The following TTN variants were observed in gnomAD, a reference collection of about 807,000 sequenced individuals.
The protein encoded by TTN is connectin.
In TTN, 1,525 loss-of-function variants were observed where a neutral mutation model predicts 3,223.0. That is an observed-to-expected ratio of 0.47 (90% CI 0.45 to 0.49). The LOEUF is 0.49. Ranked by LOEUF, TTN falls within the 20% of genes least tolerant of loss-of-function variation. TTN has a pLI of 0.00. For missense variants in TTN, 40,786 were observed against 43,424.0 expected, an observed-to-expected ratio of 0.94 and a Z score of 5.40; for synonymous variants, 14,094 against 15,161.0, an observed-to-expected ratio of 0.93 and a Z score of 5.17.
At position 178,534,033 on chromosome 2, in the gene TTN, G is replaced by C. The variant is rs2154135604; in HGVS notation, c.102582C>G (p.Leu34194=). 6.2e-7 allele frequency: 1 copy of C among 1,613,966 alleles called. No homozygotes were observed. Among genetic ancestry groups the C allele is most frequent in the Non-Finnish European group, 8.5e-7 (1 of 1,179,870 alleles). The stretch of plus-strand genomic sequence containing the variant: ...CTAATTTGGTAATGTCTTTGACATA[G>C]AGGATGGCCACTCCATCTTCGTAGG... ...EITYEDGVAI[L]YVKDITKLDD... The change falls in exon 358 of 363, where the codon CTC becomes CTG. Residue 34194 remains leucine, a synonymous_variant. Transcript: ENST00000589042.
In TTN at chr2:178,774,355, A is replaced by C; in HGVS notation, c.6909T>G (p.Asp2303Glu). The change falls in exon 30 of 363, where the codon GAT (aspartate) becomes GAG (glutamate). Residue 2303 changes from aspartate (D) to glutamate (E), a missense_variant. Physicochemically the swap from Asp to Glu is conservative, Grantham distance 45. Coordinates refer to ENST00000589042, the MANE Select transcript of TTN (RefSeq NM_001267550.2). Reference sequence around the variant, plus strand: ...ATTTGCCATTGGATTTAAGCTCCACATCATTATGATACCATTTTCCTTCTA... The same window carrying C: ...ATTTGCCATTGGATTTAAGCTCCACCTCATTATGATACCATTTTCCTTCTA... ...ENIEGKWYHN[D>E]VELKSNGKYT... 6.2e-7 allele frequency: 1 copy of C among 1,614,114 alleles called. No individual in the cohort carries two copies.
At position 178,767,749 on chromosome 2, in the gene TTN, T is replaced by C. The variant is rs1305078965; in HGVS notation, c.9471+10A>G. 10 of 1,613,708 alleles carry C rather than the reference T, an allele frequency of 6.2e-6. No individual in the cohort carries two copies. Among genetic ancestry groups the C allele is most frequent in the Non-Finnish European group, 8.5e-6 (10 of 1,179,980 alleles). ...ATGATTTTTCAAAACATTTAGTATG[T>C]AGACAATACCTGAACCTCCTTTTTA... On this transcript the variant is annotated intron_variant, in intron 40 of 362. Transcript: ENST00000589042.
At position 178,527,722 on chromosome 2, in the gene TTN, CCT is replaced by C. The variant is rs1687047731; in HGVS notation, c.107402_107403del (p.Glu35801GlyfsTer8). On this transcript the variant is annotated frameshift_variant, in exon 362 of 363. Coordinates refer to ENST00000589042, the MANE Select transcript of TTN (RefSeq NM_001267550.2). LOFTEE classifies it high-confidence loss of function. ...VLPLVEEPSREVVLRTSGDTS... is the reference protein window; with the variant it reads ...VLPLVEEPSRXVVLRTSGDTS... Reference sequence around the variant, plus strand: ...GTGTCACCACTTGTTCTCAATACTACCTCTCTGGAAGGTTCTTCAACTAGAGC... The same window carrying C: ...GTGTCACCACTTGTTCTCAATACTACCTCTGGAAGGTTCTTCAACTAGAGC... The C allele has an allele frequency of 6.2e-7, 1 of 1,606,734 alleles. No individual in the cohort carries two copies. The highest frequency in any genetic ancestry group is 1.3e-5 in the African/African-American group (1 of 74,802).
chr2:178,773,753 A>G, intron 31 of TTN, 28 bp from the exon 32 acceptor site: 1 of 1,614,084 alleles, frequency 6.2e-7, no homozygotes, highest in Non-Finnish European at 8.5e-7. Flanking sequence ...CACAAGATGA[A>G]TGAATTTTGT....
chr2:178,618,787 A>G lies in TTN; in HGVS notation c.46763T>C (p.Val15588Ala). ...TTTGGGGTAGGCATCATATGGCACC[A>G]CCATTGTCAGAGGCTTGCCAACATC... ...VVDVGKPLTMVVPYDAYPKAE... is the reference protein window; with the variant it reads ...VVDVGKPLTMAVPYDAYPKAE... The change falls in exon 251 of 363, where the codon GTG becomes GCG. Residue 15588 changes from valine to alanine, a missense_variant. Transcript: ENST00000589042. 1 of 1,611,428 alleles carries G rather than the reference A, an allele frequency of 6.2e-7. No homozygotes were observed. Among genetic ancestry groups the G allele is most frequent in the African/African-American group, 1.3e-5 (1 of 74,900 alleles).
Position 178,715,270 on chromosome 2 carries a change from A to C in TTN, c.25922-6T>G, listed in dbSNP as rs796983452. 9.4e-6 allele frequency: 15 copies of C among 1,592,310 alleles called. No individual in the cohort carries two copies. The highest frequency in any genetic ancestry group is 1.2e-5 in the Non-Finnish European group (14 of 1,171,036). Reference sequence around the variant, plus strand: ...TTTGCGGAAAATGGGTGGTTCTAAAATTGGAAAAAAGGAAAATACGGATGT... The same window carrying C: ...TTTGCGGAAAATGGGTGGTTCTAAACTTGGAAAAAAGGAAAATACGGATGT... On this transcript the variant is annotated splice_region_variant and splice_polypyrimidine_tract_variant and intron_variant, in intron 89 of 362. Coordinates refer to ENST00000589042, the MANE Select transcript of TTN (RefSeq NM_001267550.2).
Position 178,677,639 on chromosome 2 carries a change from C to T in TTN, c.34273G>A (p.Val11425Met), listed in dbSNP as rs371364049. The change falls in exon 146 of 363, where the codon GTG (valine) becomes ATG (methionine). Residue 11425 changes from valine (V) to methionine (M), a missense_variant. Physicochemically the swap from Val to Met is conservative, Grantham distance 21 (BLOSUM62 1). Transcript: ENST00000589042. ...EEVLPEVKPK[V>M]PVPAPVPEVP... ...GCTATACCTGGTGCAGGTACTGGCA[C>T]CTTAGGTTTAACTTCTGGAAGGACT... 4 of 1,611,128 alleles carry T rather than the reference C, an allele frequency of 2.5e-6. No homozygotes were observed. Among genetic ancestry groups the T allele is most frequent in the African/African-American group, 1.3e-5 (1 of 74,664 alleles).
Position 178,794,514 on chromosome 2 carries a change from G to A in TTN, c.1283C>T (p.Thr428Ile). 1 of 1,614,210 alleles carries A rather than the reference G, an allele frequency of 6.2e-7. No homozygotes were observed. Residue 428 changes from threonine (T) to isoleucine (I), a missense_variant, in exon 8 of 363, where the codon ACT (threonine) becomes ATT (isoleucine). Coordinates refer to ENST00000589042, the MANE Select transcript of TTN (RefSeq NM_001267550.2). ...GGCCATATCAACGGCAGCAACAACAGTCGCAACAGCTGCACTTTTGTCAGC... is the reference window on the plus strand; with the variant it reads ...GGCCATATCAACGGCAGCAACAACAATCGCAACAGCTGCACTTTTGTCAGC... ...QDADKSAAVA[T>I]VVAAVDMARV...
chr2:178,638,934 G>A (rs555965911), intron 223 of TTN, among the ~76,000 whole-genome samples: 48 of 152,086 alleles, frequency 3.2e-4, no homozygotes, highest in Non-Finnish European at 5.3e-4. Flanking sequence ...GTTTATCAAT[G>A]ACTATCAATT....
intron 164 of TTN, 62 bp from the exon 165 acceptor site, chr2:178,665,522 G>T: frequency 6.5e-7 from 1 of 1,544,272 alleles, no homozygotes; most frequent in South Asian, 1.1e-5. Context: ...TTAATTAAAT[G>T]AGCTGAACCA....
chr2:178,753,841 G>C (rs963594113), intron 46 of TTN: 1 of 152,040 alleles, frequency 6.6e-6, no homozygotes, highest in Non-Finnish European at 1.5e-5. Flanking sequence ...CTTGTTCTCA[G>C]TTTCTTACGG....
chr2:178,792,222 A>C, intron 9 of TTN, 25 bp from the exon 10 acceptor site: 1 of 1,593,410 alleles, frequency 6.3e-7, no homozygotes, highest in South Asian at 1.2e-5. Flanking sequence ...TTAAGAAAAA[A>C]CTTTATTTCC....
intron 15 of TTN, among the ~76,000 whole-genome samples, 195 bp from the exon 16 acceptor site, chr2:178,784,546 G>C (rs998634059): frequency 1.3e-5 from 2 of 152,098 alleles, no homozygotes; most frequent in African/African-American, 4.8e-5. Context: ...CTGTTAGTTT[G>C]TAAAACAAAT....
At position 178,589,721 on chromosome 2, in the gene TTN, T is replaced by A; in HGVS notation, c.62004A>T (p.Arg20668Ser). ...TGTGAAGGTTTTCAGGCTCACCTGG[T>A]CTGTCAATAGGGTTAATAGCCAGAA... Reference protein sequence around the residue: ...TPILAINPIDRPGEPENLHIA... With the variant: ...TPILAINPIDSPGEPENLHIA... Residue 20668 changes from arginine (R) to serine (S), a missense_variant, in exon 304 of 363, where the codon AGA becomes AGT. Physicochemically the swap from Arg to Ser is moderately radical, Grantham distance 110. Coordinates refer to ENST00000589042, the MANE Select transcript of TTN (RefSeq NM_001267550.2). The A allele has an allele frequency of 6.2e-7, 1 of 1,613,580 alleles. No individual in the cohort carries two copies. Among genetic ancestry groups the A allele is most frequent in the Non-Finnish European group, 8.5e-7 (1 of 1,179,616 alleles).
At chr2:178,648,969 A>G (rs1201605119) in intron 213 of TTN, among the ~76,000 whole-genome samples, 1 of 152,174 alleles carries the variant, frequency 6.6e-6, no homozygotes, top group Non-Finnish European at 1.5e-5. Flanking sequence ...AATGGTCAAC[A>G]TTCAACAAAA....
In TTN at chr2:178,575,140, T is replaced by C. The variant is rs1187218262; in HGVS notation, c.70992A>G (p.Thr23664=). The C allele has an allele frequency of 1.2e-6, 2 of 1,612,926 alleles. No homozygotes were observed. Among genetic ancestry groups the C allele is most frequent in the Non-Finnish European group, 1.7e-6 (2 of 1,179,394 alleles). ...EIPVLGRPKP[T]VTWKKGDQIL... ...TTTGGTCTCCTTTTTTCCATGTCAC[T>C]GTGGGCTTCGGTCGACCGAGCACTG... Residue 23664 remains threonine (T), a synonymous_variant, in exon 326 of 363, where the codon ACA becomes ACG. Transcript: ENST00000589042. This position sits in a 1 kb window ranked among gnomAD's most constrained non-coding sequence, Gnocchi z 4.0.
At chr2:178,696,564 C>G (rs1211177737) in intron 113 of TTN, among the ~76,000 whole-genome samples, 6 of 151,772 alleles carry the variant, frequency 4.0e-5, no homozygotes. Context: ...TGCAGAACCC[C>G]TAGTTTCTTC....
Position 178,633,344 on chromosome 2 carries a change from T to G in TTN, c.42947-18A>C, listed in dbSNP as rs766977954. On this transcript the variant is annotated intron_variant, in intron 232 of 362. Transcript: ENST00000589042. The stretch of plus-strand genomic sequence containing the variant: ...TAGTCGAGCTGAAATGATACAGTTT[T>G]GTTAGCATGACTGAACTAATAAACT... 6.2e-6 allele frequency: 10 copies of G among 1,612,894 alleles called. No individual in the cohort carries two copies. In the East Asian group the frequency reaches 1.8e-4, roughly 29 times the overall value.
intron 47 of TTN, chr2:178,751,875 T>G (rs2085629655): frequency 6.2e-7 from 1 of 1,606,890 alleles, no homozygotes; most frequent in Non-Finnish European, 8.5e-7. Flanking sequence ...AATGTAAGTT[T>G]CTGGGTAAAA....
Sources: allele counts gnomAD v4.1 joint callset (sites outside exome capture counted in the v4.1 genomes callset), GRCh38; gene constraint gnomAD v4.1.1; non-coding constraint Gnocchi (gnomAD v3.1); transcripts MANE v1.5; gene names NCBI Gene and HGNC (gene_info 2026-07-23, HGNC 2026-07-21).